PLEKHA5: variants seen among roughly 807,000 people sequenced by gnomAD.
The protein encoded by PLEKHA5 is pleckstrin homology domain containing A5, also known as pleckstrin homology domain-containing family A member 5.
PLEKHA5 carries 55 observed loss-of-function variants against 181.9 expected under a neutral mutation model. That is an observed-to-expected ratio of 0.30 (90% CI 0.24 to 0.38). The LOEUF (loss-of-function observed/expected upper bound fraction) is 0.38, where lower values mean the gene tolerates loss of function less well. PLEKHA5 is among the 10% of genes least tolerant of loss of function. PLEKHA5 has a pLI of 1.00. For synonymous variants in PLEKHA5, 535 were observed against 529.4 expected, an observed-to-expected ratio of 1.01 and a Z score of -0.15; for missense variants, 1,432 against 1,549.5, an observed-to-expected ratio of 0.92 and a Z score of 1.27.
At chr12:19,237,769 A>G (rs1334273282) in intron 3 of PLEKHA5, among the ~76,000 whole-genome samples, 1 of 151,994 alleles carries the variant, frequency 6.6e-6, no homozygotes, top group Non-Finnish European at 1.5e-5. Flanking sequence ...AAGATTTATT[A>G]TTAATAATAT....
At chr12:19,216,911 T>G (rs1402917828) in intron 3 of PLEKHA5, among the ~76,000 whole-genome samples, 2 of 152,216 alleles carry the variant, frequency 1.3e-5, no homozygotes, top group African/African-American at 4.8e-5. Context: ...CCTTCTTTCC[T>G]TGACTCTCTC....
At chr12:19,291,964 C>T (rs2078568647) in intron 15 of PLEKHA5, among the ~76,000 whole-genome samples, 1 of 152,166 alleles carries the variant, frequency 6.6e-6, no homozygotes, top group Non-Finnish European at 1.5e-5. Context: ...TTCTTCTTAT[C>T]CCATTAAAAC....
intron 3 of PLEKHA5, among the ~76,000 whole-genome samples, chr12:19,165,596 A>T (rs1215486052): frequency 6.6e-6 from 1 of 152,182 alleles, no homozygotes; most frequent in African/African-American, 2.4e-5. Context: ...GCTCTTTGAC[A>T]TTCAGAGGTG....
intron 11 of PLEKHA5, among the ~76,000 whole-genome samples, chr12:19,278,449 A>C (rs2075199677): frequency 6.6e-6 from 1 of 152,130 alleles, no homozygotes; most frequent in Non-Finnish European, 1.5e-5. Flanking sequence ...CCTTCCTTAC[A>C]TGTTTCTATG....
intron 23 of PLEKHA5, 50 bp from the exon 24 acceptor site, chr12:19,346,944 C>A: frequency 8.1e-7 from 1 of 1,230,570 alleles, no homozygotes; most frequent in Non-Finnish European, 1.1e-6. Context: ...TTTAGATATG[C>A]TTAATTCAAT....
intron 20 of PLEKHA5, among the ~76,000 whole-genome samples, chr12:19,324,724 A>G (rs1216517147): frequency 1.3e-5 from 2 of 152,224 alleles, no homozygotes; most frequent in South Asian, 4.1e-4. Flanking sequence ...GCCACAGCAA[A>G]GATGAGAACA....
intron 3 of PLEKHA5, among the ~76,000 whole-genome samples, chr12:19,233,477 C>CT (rs1386438748): frequency 1.3e-5 from 2 of 152,074 alleles, no homozygotes; most frequent in Non-Finnish European, 2.9e-5. Flanking sequence ...AAAAGAACTA[C>CT]TTTAAATATG....
rs572490887 is a variant in PLEKHA5 at position 19,295,778 on chromosome 12, C to T, written c.2037+4081C>T. ...AAGGAGCACACTGGTTGTTTTGGCT[C>T]CTGTACCCTACTGGTTATTAAGGAT... On this transcript the variant is annotated intron_variant, in intron 15 of 31. Coordinates refer to ENST00000429027, the MANE Select transcript of PLEKHA5 (RefSeq NM_001256470.2). 2.6e-5 allele frequency among the ~76,000 whole-genome samples: 4 copies of T among 152,230 alleles called. No homozygotes were observed. In the East Asian group the frequency reaches 5.8e-4, roughly 22 times the overall value.
chr12:19,150,079 G>C (rs986829768), intron 3 of PLEKHA5: 1 of 152,190 alleles, frequency 6.6e-6, no homozygotes, highest in African/African-American at 2.4e-5. Context: ...AGGTTCTTCA[G>C]TCTGAAATAT....
At chr12:19,156,197 T>A (rs2041656762) in intron 3 of PLEKHA5, among the ~76,000 whole-genome samples, 1 of 104,166 alleles carries the variant, frequency 9.6e-6, no homozygotes, top group Non-Finnish European at 2.0e-5. Context: ...CCTTGATTTG[T>A]TTTTTTTCCT....
chr12:19,202,922 T>C (rs2054528345), intron 3 of PLEKHA5, among the ~76,000 whole-genome samples: 1 of 152,136 alleles, frequency 6.6e-6, no homozygotes, highest in Non-Finnish European at 1.5e-5. Context: ...TCAGTTGTCA[T>C]AGAAGTGAGT....
chr12:19,321,015 AAATTAGCTGGGC>A (rs2090537787), intron 18 of PLEKHA5: 1 of 153,864 alleles, frequency 6.5e-6, no homozygotes. Context: ...AAAAATACAA[AAATTAGCTGGGC>A]ATGGTGGTAC....
intron 3 of PLEKHA5, among the ~76,000 whole-genome samples, chr12:19,190,705 CTT>C (rs2151950218): frequency 6.6e-6 from 1 of 152,338 alleles, no homozygotes; most frequent in Non-Finnish European, 1.5e-5. Flanking sequence ...TGATCTTCCT[CTT>C]TTTGCTTGCC....
In PLEKHA5 at chr12:19,280,239, C is replaced by T. The variant is rs951218183; in HGVS notation, c.1314-3041C>T. On this transcript the variant is annotated intron_variant, in intron 11 of 31. Transcript: ENST00000429027. ...TAATATTTTCTAGTTTTTGTAGAGA[C>T]GGGATTTTGCTATGTTGAACTCCTG... Among the ~76,000 whole-genome samples the T allele has an allele frequency of 4.6e-5, 7 of 151,762 alleles. No individual in the cohort carries two copies. The East Asian group carries it at 5.8e-4, about 13-fold the overall frequency.
At chr12:19,289,681 T>A (rs968835966) in intron 13 of PLEKHA5, among the ~76,000 whole-genome samples, 9 of 152,186 alleles carry the variant, frequency 5.9e-5, no homozygotes, top group African/African-American at 2.2e-4. Flanking sequence ...TTTATTTTCC[T>A]TTGGATCACA....
chr12:19,156,141 G>A (rs980645535), intron 3 of PLEKHA5, among the ~76,000 whole-genome samples: 1 of 151,188 alleles, frequency 6.6e-6, no homozygotes, highest in African/African-American at 2.4e-5. Context: ...CCGCCCTGGA[G>A]TATGTTCTTG....
At chr12:19,284,269 G>A (rs530500279) in intron 12 of PLEKHA5, among the ~76,000 whole-genome samples, 43 of 152,046 alleles carry the variant, frequency 2.8e-4, no homozygotes, top group Non-Finnish European at 1.8e-4. Flanking sequence ...TGGTTTCACC[G>A]TGATGCCCAG....
intron 3 of PLEKHA5, among the ~76,000 whole-genome samples, chr12:19,135,045 G>T (rs2035198201): frequency 6.6e-6 from 1 of 152,254 alleles, no homozygotes; most frequent in Non-Finnish European, 1.5e-5. Context: ...GCCAATAAAA[G>T]ACATGTCAGC....
chr12:19,308,796 T>A (rs1303090681), intron 15 of PLEKHA5, among the ~76,000 whole-genome samples: 1 of 152,112 alleles, frequency 6.6e-6, no homozygotes, highest in Non-Finnish European at 1.5e-5. Context: ...CCTGTAATTT[T>A]AGCACTTTGG....
Sources: allele counts gnomAD v4.1 joint callset (sites outside exome capture counted in the v4.1 genomes callset), GRCh38; gene constraint gnomAD v4.1.1; transcripts MANE v1.5; gene names NCBI Gene and HGNC (gene_info 2026-07-23, HGNC 2026-07-21).